The following SVOPL variants were observed in gnomAD, a reference collection of about 807,000 sequenced individuals.
SVOPL encodes the protein putative transporter SVOPL.
In SVOPL, 60 loss-of-function variants were observed where a neutral mutation model predicts 61.0. The observed-to-expected ratio is 0.98, with a 90% CI of 0.80 to 1.22. The LOEUF (loss-of-function observed/expected upper bound fraction) is 1.22. Among genes scored for constraint, SVOPL ranks in the 50% most tolerant of loss-of-function variants. The pLI, the probability that SVOPL is intolerant of heterozygous loss-of-function variation, is 0.00. For synonymous variants in SVOPL, 279 were observed against 250.0 expected (o/e 1.12, Z -1.09); for missense variants, 662 against 643.9 (o/e 1.03, Z -0.30).
intron 14 of SVOPL, among the ~76,000 whole-genome samples, chr7:138,615,833 TAAGA>T (rs937354634): frequency 4.0e-5 from 6 of 150,952 alleles, no homozygotes; most frequent in African/African-American, 1.5e-4. Context: ...CCACCCAGTT[TAAGA>T]AAGGAAAAAT....
At chr7:138,595,045 T>C (rs1404656757) in intron 15 of SVOPL, among the ~76,000 whole-genome samples, 1 of 152,020 alleles carries the variant, frequency 6.6e-6, no homozygotes, top group Non-Finnish European at 1.5e-5. Flanking sequence ...CGTGAGCCAC[T>C]GTACCTGGCC....
intron 4 of SVOPL, among the ~76,000 whole-genome samples, chr7:138,669,300 C>G (rs1802356051): frequency 6.6e-6 from 1 of 152,094 alleles, no homozygotes; most frequent in Non-Finnish European, 1.5e-5. Flanking sequence ...CCTAGCTACT[C>G]AGGAAGCTAA....
At chr7:138,597,173 G>A (rs1798314854) in intron 14 of SVOPL, 1 of 1,288,146 alleles carries the variant, frequency 7.8e-7, no homozygotes, top group Non-Finnish European at 1.0e-6. Context: ...GTTTCTCTTG[G>A]TCTGTGTTCT....
At chr7:138,604,801 G>A (rs1233534899) in intron 14 of SVOPL, among the ~76,000 whole-genome samples, 15 of 150,686 alleles carry the variant, frequency 1.0e-4, no homozygotes, top group African/African-American at 2.4e-5. Context: ...AAAAACAAAA[G>A]CTTAAGTGAA....
chr7:138,659,862 A>C lies in SVOPL; in HGVS notation c.470+2T>G. ...TCAGGGTCCCCTGGGTAACATATTT[A>C]CCCTTGCGAGTGGCCGGACACACCA... On this transcript the variant is annotated splice_donor_variant, in intron 6 of 15. Coordinates refer to ENST00000674285, the MANE Select transcript of SVOPL (RefSeq NM_001139456.2). LOFTEE classifies it high-confidence loss of function. 1 of 1,551,378 alleles carries C rather than the reference A, an allele frequency of 6.4e-7. No homozygotes were observed. Among genetic ancestry groups the C allele is most frequent in the Non-Finnish European group, 8.7e-7 (1 of 1,146,920 alleles).
intron 11 of SVOPL, 38 bp downstream of exon 11, chr7:138,628,120 C>T (rs1422716370): frequency 6.2e-7 from 1 of 1,612,242 alleles, no homozygotes; most frequent in East Asian, 2.2e-5. Flanking sequence ...CATAGACCAC[C>T]CAAGACAGAG....
At chr7:138,693,529 A>AAAGAAAG (rs1554477032) in intron 1 of SVOPL, among the ~76,000 whole-genome samples, 2 of 117,086 alleles carry the variant, frequency 1.7e-5, no homozygotes, top group Non-Finnish European at 3.4e-5. Context: ...AAAAGAAAGA[A>AAAGAAAG]AAAGAAAGAA....
intron 3 of SVOPL, among the ~76,000 whole-genome samples, chr7:138,672,664 A>C (rs982687510): frequency 6.7e-6 from 1 of 150,352 alleles, no homozygotes; most frequent in South Asian, 2.1e-4. Context: ...TTTAAAAAAA[A>C]AAAAAAAAAA....
chr7:138,667,508 T>C (rs538824140), intron 4 of SVOPL, among the ~76,000 whole-genome samples: 1 of 152,318 alleles, frequency 6.6e-6, no homozygotes, highest in Admixed American at 6.5e-5. Context: ...ATCTGCATAA[T>C]TGATGCTTCC....
At chr7:138,630,460 TGA>T (rs1415914824) in intron 9 of SVOPL, among the ~76,000 whole-genome samples, 7 of 152,192 alleles carry the variant, frequency 4.6e-5, no homozygotes, top group African/African-American at 7.2e-5. Flanking sequence ...GTGAAACTGA[TGA>T]GAGATTCTTC....
chr7:138,664,515 G>A (rs575664420), intron 4 of SVOPL, among the ~76,000 whole-genome samples: 2 of 143,574 alleles, frequency 1.4e-5, no homozygotes, highest in Admixed American at 6.9e-5. Context: ...TTTATCGGGC[G>A]CGCGCGCCTA....
At chr7:138,675,623 T>C (rs1298399563) in intron 3 of SVOPL, among the ~76,000 whole-genome samples, 1 of 152,140 alleles carries the variant, frequency 6.6e-6, no homozygotes, top group African/African-American at 2.4e-5. Context: ...CCCAAAGTGC[T>C]GGGATTACAG....
At chr7:138,685,832 G>A (rs1179164197) in intron 1 of SVOPL, among the ~76,000 whole-genome samples, 6 of 151,412 alleles carry the variant, frequency 4.0e-5, no homozygotes, top group Admixed American at 6.6e-5. Flanking sequence ...AGATTGCACC[G>A]CTGCCCTCCA....
In SVOPL at chr7:138,626,036, C is replaced by T; in HGVS notation, c.1196G>A (p.Gly399Asp). Residue 399 changes from glycine (G) to aspartate (D), a missense_variant, in exon 13 of 16, where the codon GGC (glycine) becomes GAC (aspartate). Gly to Asp is a moderately conservative substitution (Grantham distance 94). Transcript: ENST00000674285. The part of the protein sequence containing the change: ...NICTSSAGLI[G>D]FLFMLRALVA... ...CAGAGCCCTCAGCATGAAGAGGAAG[C>T]CAATCAGGCCGGCACTAGAAAACAG... The T allele has an allele frequency of 1.2e-6, 2 of 1,614,042 alleles. No homozygotes were observed. The highest frequency in any genetic ancestry group is 1.7e-6 in the Non-Finnish European group (2 of 1,180,006).
chr7:138,620,656 G>A (rs766900677), intron 14 of SVOPL, among the ~76,000 whole-genome samples: 12 of 151,886 alleles, frequency 7.9e-5, no homozygotes, highest in Non-Finnish European at 1.5e-4. Context: ...AGCTGAACCT[G>A]CCCTTACTCT....
chr7:138,634,824 G>T (rs923000804), intron 9 of SVOPL, among the ~76,000 whole-genome samples: 3 of 151,206 alleles, frequency 2.0e-5, no homozygotes, highest in Non-Finnish European at 2.9e-5. Flanking sequence ...AAATAGCCAG[G>T]CATGGTGGCA....
At chr7:138,695,625 G>T (rs296920) in intron 1 of SVOPL, among the ~76,000 whole-genome samples, 21,529 of 152,074 alleles carry the variant, frequency 0.14, 1,951 homozygotes, top group Middle Eastern at 0.22. Context: ...GACCTGGGGG[G>T]GCTTCTGTAG....
chr7:138,644,231 C>T (rs1319451397), intron 9 of SVOPL, among the ~76,000 whole-genome samples: 1 of 131,800 alleles, frequency 7.6e-6, no homozygotes, highest in Non-Finnish European at 1.6e-5. Flanking sequence ...AAAAAAGGAA[C>T]TCTCTGCTCA....
rs201960026 is a variant in SVOPL at position 138,679,162 on chromosome 7, A to AT, written c.-34-84_-34-83insA. 1,881 of 935,030 alleles carry AT rather than the reference A, an allele frequency of 2.0e-3. 27 individuals carry two copies. The African/African-American group carries it at 0.029, about 15-fold the overall frequency. The allele number at this position is 935,030 out of a possible 1,614,324, so 57.9% of individuals were successfully genotyped here. Reference sequence around the variant, plus strand: ...TATATGCCAGGCACACTACACACAAAATTTCCTGAAGCCCTCACAAAAATC... The same window carrying AT: ...TATATGCCAGGCACACTACACACAAATATTTCCTGAAGCCCTCACAAAAATC... On this transcript the variant is annotated intron_variant, in intron 1 of 15. Transcript: ENST00000674285.
Sources: gnomAD v4.1 joint callset for allele counts (sites outside exome capture counted in the v4.1 genomes callset) on GRCh38, gnomAD v4.1.1 for gene constraint, MANE v1.5 for transcripts, NCBI Gene and HGNC (gene_info 2026-07-23, HGNC 2026-07-21) for gene names.